Variants in FREM2 observed in about 807,000 individuals in gnomAD.
The protein encoded by FREM2 is FRAS1-related extracellular matrix protein 2.
FREM2 carries 119 observed loss-of-function variants against 219.9 expected under a neutral mutation model. That is an observed-to-expected ratio of 0.54 (90% CI 0.47 to 0.63). The LOEUF (loss-of-function observed/expected upper bound fraction) is 0.63. FREM2 is among the 30% of genes least tolerant of loss of function. The probability of loss-of-function intolerance (pLI) is 0.00; values close to 1 mark genes in which losing one functional copy is unlikely to be tolerated. For missense variants in FREM2, 4,030 were observed against 3,993.6 expected, an observed-to-expected ratio of 1.01 and a Z score of -0.25; for synonymous variants, 1,562 against 1,522.8, an observed-to-expected ratio of 1.03 and a Z score of -0.60.
intron 12 of FREM2, among the ~76,000 whole-genome samples, chr13:38,857,624 C>T (rs184911370): frequency 1.3e-5 from 2 of 152,146 alleles, no homozygotes; most frequent in Non-Finnish European, 2.9e-5. Flanking sequence ...CCTCATGGGC[C>T]GCTGGCCAAC....
Position 38,874,576 on chromosome 13 carries a change from G to A in FREM2, c.8271G>A (p.Leu2757=), listed in dbSNP as rs758653338. The change falls in exon 18 of 24, where the codon CTG becomes CTA. Residue 2757 remains leucine (L), a synonymous_variant. Transcript: ENST00000280481. The stretch of plus-strand genomic sequence containing the variant: ...CTCAGTTCCATGGCTTATTTGTGCT[G>A]TCACATCCCGGTAAGCCCCGTTATC... ...TEAQFHGLFV[L]SHPASFTSSV... is the part of the protein sequence containing the mutation. 6.2e-7 allele frequency: 1 copy of A among 1,613,732 alleles called. No individual in the cohort carries two copies. The highest frequency in any genetic ancestry group is 2.2e-5 in the East Asian group (1 of 44,874).
At chr13:38,874,367 C>A in intron 17 of FREM2, 115 bp from the exon 18 acceptor site, 1 of 798,670 alleles carries the variant, frequency 1.3e-6, no homozygotes, top group Non-Finnish European at 2.2e-6. Context: ...TGATAATACC[C>A]TTTGCCCAGA....
At chr13:38,879,847 A>G (rs546100899) in intron 23 of FREM2, among the ~76,000 whole-genome samples, 1 of 152,220 alleles carries the variant, frequency 6.6e-6, no homozygotes, top group South Asian at 2.1e-4. Context: ...TTTTCCCCCT[A>G]TGGTCTTATA....
rs1421525217 is a variant in FREM2 at position 38,859,908 on chromosome 13, A to T, written c.7519+318A>T. ...ATTTTAGTCTAGACAGGGCACAGGA[A>T]TGCACAGGTAGAAGTGATTAGTTTT... is the stretch of plus-strand genomic sequence containing the variant. On this transcript the variant is annotated intron_variant, in intron 14 of 23. Coordinates refer to ENST00000280481, the MANE Select transcript of FREM2 (RefSeq NM_207361.6). Among the ~76,000 whole-genome samples, 1,047 of 152,266 alleles carry T rather than the reference A, an allele frequency of 6.9e-3. 7 individuals carry two copies. Among genetic ancestry groups the T allele is most frequent in the African/African-American group, 0.024 (995 of 41,554 alleles).
chr13:38,700,438 G>A (rs1486035073), intron 2 of FREM2, among the ~76,000 whole-genome samples: 3 of 152,054 alleles, frequency 2.0e-5, no homozygotes, highest in Non-Finnish European at 4.4e-5. Flanking sequence ...CTCAGGGGAA[G>A]TCTACTGTAT....
intron 6 of FREM2, among the ~76,000 whole-genome samples, chr13:38,797,223 A>G (rs1033234620): frequency 2.6e-5 from 4 of 152,018 alleles, no homozygotes; most frequent in Non-Finnish European, 4.4e-5. Flanking sequence ...ATTTCCACCA[A>G]GAGGGTGTGA....
intron 2 of FREM2, among the ~76,000 whole-genome samples, chr13:38,702,061 A>G (rs1455888564): frequency 6.6e-6 from 1 of 152,160 alleles, no homozygotes; most frequent in Non-Finnish European, 1.5e-5. Context: ...AAAAACTCCT[A>G]TAAACAATTC....
chr13:38,778,062 T>C (rs1873948366), intron 4 of FREM2, among the ~76,000 whole-genome samples: 1 of 152,254 alleles, frequency 6.6e-6, no homozygotes, highest in Non-Finnish European at 1.5e-5. Context: ...CTCAGGTGCT[T>C]GAGCTTTAAA....
intron 6 of FREM2, among the ~76,000 whole-genome samples, chr13:38,804,854 C>CT (rs1447381826): frequency 1.3e-5 from 2 of 152,180 alleles, no homozygotes; most frequent in African/African-American, 4.8e-5. Flanking sequence ...ATGCCCAGCT[C>CT]CTTGGATTGG....
intron 6 of FREM2, among the ~76,000 whole-genome samples, chr13:38,831,460 C>A (rs556161319): frequency 6.6e-6 from 1 of 152,054 alleles, no homozygotes; most frequent in Non-Finnish European, 1.5e-5. Context: ...TGGGCAGGTT[C>A]AGTATTTAAA....
At chr13:38,741,774 A>G (rs901062284) in intron 2 of FREM2, among the ~76,000 whole-genome samples, 1 of 152,296 alleles carries the variant, frequency 6.6e-6, no homozygotes, top group Middle Eastern at 3.4e-3. Flanking sequence ...GGCTCTAGGC[A>G]TGCATTTTTA....
chr13:38,827,927 G>A (rs1462692054), intron 6 of FREM2, among the ~76,000 whole-genome samples: 1 of 152,118 alleles, frequency 6.6e-6, no homozygotes, highest in Non-Finnish European at 1.5e-5. Flanking sequence ...TATGTTTAAA[G>A]GAGACAAGTT....
At chr13:38,739,407 C>A (rs528596364) in intron 2 of FREM2, among the ~76,000 whole-genome samples, 1 of 152,260 alleles carries the variant, frequency 6.6e-6, no homozygotes, top group African/African-American at 2.4e-5. Context: ...GTAGAATCCT[C>A]TTTTGACTTT....
chr13:38,784,937 A>G (rs982984553), intron 6 of FREM2, 129 bp downstream of exon 6: 1 of 1,066,794 alleles, frequency 9.4e-7, no homozygotes, highest in Non-Finnish European at 1.3e-6. Flanking sequence ...TGGTTTTTTC[A>G]TATGATTAGG....
intron 6 of FREM2, among the ~76,000 whole-genome samples, chr13:38,830,607 A>T (rs1359295844): frequency 2.0e-5 from 3 of 152,118 alleles, no homozygotes; most frequent in African/African-American, 7.3e-5. Flanking sequence ...TATTGCAAGA[A>T]CTTGCAAAAC....
In FREM2 at chr13:38,880,762, A is replaced by G. The variant is rs1878518687; in HGVS notation, c.9485A>G (p.His3162Arg). The change falls in exon 24 of 24, where the codon CAT becomes CGT. Residue 3162 changes from histidine (H) to arginine (R), a missense_variant. Transcript: ENST00000280481. Reference sequence around the variant, plus strand: ...GAGCCCATGGTGCCCCCACAGAGCCATCACAATGACAGCTCAGAAGTTTGA... The same window carrying G: ...GAGCCCATGGTGCCCCCACAGAGCCGTCACAATGACAGCTCAGAAGTTTGA... ...SSEPMVPPQSHHNDSSEV is the reference protein window; with the variant it reads ...SSEPMVPPQSRHNDSSEV The G allele has an allele frequency of 4.3e-6, 7 of 1,614,190 alleles. No individual in the cohort carries two copies. The highest frequency in any genetic ancestry group is 1.7e-5 in the Admixed American group (1 of 60,028).
chr13:38,738,547 C>CA (rs1403350175), intron 2 of FREM2, among the ~76,000 whole-genome samples: 1 of 102,828 alleles, frequency 9.7e-6, no homozygotes, highest in Non-Finnish European at 1.7e-5. Flanking sequence ...GCCTGGGCAA[C>CA]AGAGTGAGAC....
intron 17 of FREM2, among the ~76,000 whole-genome samples, chr13:38,873,872 T>A (rs1423882478): frequency 6.6e-6 from 1 of 152,216 alleles, no homozygotes; most frequent in Non-Finnish European, 1.5e-5. Context: ...TAGAGCTATG[T>A]GACAGGTAAT....
At chr13:38,785,042 GT>G (rs1458653529) in intron 6 of FREM2, among the ~76,000 whole-genome samples, 2 of 152,232 alleles carry the variant, frequency 1.3e-5, no homozygotes, top group Admixed American at 1.3e-4. Flanking sequence ...CCGCTGCGCC[GT>G]TTCTTTCACC....
Sources: allele counts gnomAD v4.1 joint callset (sites outside exome capture counted in the v4.1 genomes callset), GRCh38; gene constraint gnomAD v4.1.1; transcripts MANE v1.5; gene names NCBI Gene and HGNC (gene_info 2026-07-23, HGNC 2026-07-21).